Variants in CCDC12 observed in about 807,000 individuals in gnomAD.
CCDC12 encodes the protein coiled-coil domain containing 12, also known as coiled-coil domain-containing protein 12.
CCDC12 carries 28 observed loss-of-function variants against 25.7 expected under a neutral mutation model. The ratio of observed to expected loss-of-function variants is 1.09; its 90% CI spans 0.81 to 1.50. The LOEUF (loss-of-function observed/expected upper bound fraction) is 1.50, where lower values mean the gene tolerates loss of function less well. Among genes scored for constraint, CCDC12 ranks in the 40% most tolerant of loss-of-function variants. The pLI is 0.00. For synonymous variants in CCDC12, 75 were observed against 87.7 expected, an observed-to-expected ratio of 0.86 and a Z score of 0.81; for missense variants, 198 against 210.0, an observed-to-expected ratio of 0.94 and a Z score of 0.35.
At chr3:46,974,456 G>A (rs1485517084) in intron 1 of CCDC12, among the ~76,000 whole-genome samples, 4 of 152,060 alleles carry the variant, frequency 2.6e-5, no homozygotes, top group Non-Finnish European at 4.4e-5. Flanking sequence ...GTTGCATTCC[G>A]ACCTCAAACC....
intron 1 of CCDC12, chr3:46,976,380 A>T: frequency 7.2e-7 from 1 of 1,391,240 alleles, no homozygotes; most frequent in South Asian, 1.6e-5. Context: ...AGCAGGAGTC[A>T]GATGGACTGC....
intron 2 of CCDC12, among the ~76,000 whole-genome samples, chr3:46,931,611 T>C (rs2033218986): frequency 6.6e-6 from 1 of 151,498 alleles, no homozygotes; most frequent in South Asian, 2.1e-4. Flanking sequence ...CCTGGGCCCC[T>C]GGAGGGAGGC....
chr3:46,930,637 C>T (rs561461642), intron 2 of CCDC12, among the ~76,000 whole-genome samples: 19 of 152,354 alleles, frequency 1.2e-4, no homozygotes, highest in Admixed American at 1.2e-3. Flanking sequence ...CTGGCCCTCC[C>T]TCTGACTCAG....
chr3:46,980,625 G>C (rs192688598), upstream of CCDC12, among the ~76,000 whole-genome samples: 34 of 152,228 alleles, frequency 2.2e-4, 1 homozygote, highest in African/African-American at 7.0e-4. Context: ...GAAAAGGTTG[G>C]AGGGAGGCCC....
At chr3:46,935,494 C>T (rs77181577) in intron 2 of CCDC12, among the ~76,000 whole-genome samples, 1,804 of 151,516 alleles carry the variant, frequency 0.012, 30 homozygotes, top group African/African-American at 0.041. Flanking sequence ...GAAGAAGTGA[C>T]GGAGAGCTTT....
chr3:46,933,546 G>A (rs1027328087), intron 2 of CCDC12, among the ~76,000 whole-genome samples: 2 of 152,228 alleles, frequency 1.3e-5, no homozygotes, highest in African/African-American at 4.8e-5. Context: ...AGCTGCCATC[G>A]CATCTGCATC....
chr3:46,939,174 T>C (rs1369342394), intron 2 of CCDC12, among the ~76,000 whole-genome samples: 1 of 152,154 alleles, frequency 6.6e-6, no homozygotes, highest in African/African-American at 2.4e-5. Context: ...ACATATATCA[T>C]TTTGTGTTCC....
intron 2 of CCDC12, among the ~76,000 whole-genome samples, chr3:46,936,336 G>A (rs2033440003): frequency 6.6e-6 from 1 of 152,104 alleles, no homozygotes; most frequent in Non-Finnish European, 1.5e-5. Context: ...TGCAAAGCTG[G>A]CACATGCTTT....
chr3:46,980,142 A>G (rs1367191173), upstream of CCDC12, among the ~76,000 whole-genome samples: 1 of 152,158 alleles, frequency 6.6e-6, no homozygotes, highest in Non-Finnish European at 1.5e-5. Flanking sequence ...TGCACTTCAT[A>G]GCAACCCACC....
At chr3:46,976,861 C>T (rs1311798552), upstream of CCDC12, 3 of 1,449,718 alleles carry the variant, frequency 2.1e-6, no homozygotes, top group South Asian at 1.3e-5. Flanking sequence ...CCAATCAATG[C>T]GGGGTTATTA....
At chr3:46,967,380 T>C (rs2034672842) in intron 1 of CCDC12, among the ~76,000 whole-genome samples, 1 of 152,024 alleles carries the variant, frequency 6.6e-6, no homozygotes, top group South Asian at 2.1e-4. Flanking sequence ...CCCTTCTAAC[T>C]AGCCCAGCCT....
chr3:46,961,005 G>A (rs1315985316), intron 1 of CCDC12, among the ~76,000 whole-genome samples: 2 of 151,870 alleles, frequency 1.3e-5, no homozygotes, highest in East Asian at 1.9e-4. Context: ...CAGGGAATGG[G>A]AGGGTGTGGG....
chr3:46,961,721 A>C (rs934916275), intron 1 of CCDC12, among the ~76,000 whole-genome samples: 1 of 152,262 alleles, frequency 6.6e-6, no homozygotes, highest in African/African-American at 2.4e-5. Flanking sequence ...GGGACTTAGA[A>C]GCATGAAAAA....
At chr3:46,962,608 A>G (rs559514852) in intron 1 of CCDC12, among the ~76,000 whole-genome samples, 15 of 152,286 alleles carry the variant, frequency 9.8e-5, no homozygotes, top group Non-Finnish European at 1.8e-4. Context: ...AAAGACATGA[A>G]CAGGCACTTC....
intron 2 of CCDC12, among the ~76,000 whole-genome samples, chr3:46,934,611 C>A (rs1467081467): frequency 6.6e-6 from 1 of 152,202 alleles, no homozygotes; most frequent in Non-Finnish European, 1.5e-5. Context: ...TGTGCTCCTA[C>A]CCCACCCTAC....
At chr3:46,975,580 G>C (rs1406719793) in intron 1 of CCDC12, among the ~76,000 whole-genome samples, 1 of 148,104 alleles carries the variant, frequency 6.8e-6, no homozygotes, top group African/African-American at 2.5e-5. Context: ...GCCCAGGCTG[G>C]AGTGCAGTGG....
At chr3:46,923,740 T>C in intron 3 of CCDC12, 72 bp from the exon 4 acceptor site, 1 of 1,304,592 alleles carries the variant, frequency 7.7e-7, no homozygotes, top group Non-Finnish European at 1.0e-6. Flanking sequence ...CTGCCTACCG[T>C]GGCCCCCAGG....
intron 1 of CCDC12, among the ~76,000 whole-genome samples, chr3:46,975,533 T>C (rs1322858341): frequency 5.7e-5 from 7 of 121,752 alleles, no homozygotes; most frequent in Non-Finnish European, 9.4e-5. Flanking sequence ...TTTCTTTTTT[T>C]TTTTTTTTTT....
intron 2 of CCDC12, among the ~76,000 whole-genome samples, chr3:46,929,561 C>G (rs1025647953): frequency 6.6e-6 from 1 of 152,208 alleles, no homozygotes; most frequent in East Asian, 1.9e-4. Flanking sequence ...TCACTGGCAT[C>G]TGGAAGCCAC....
Sources: allele counts gnomAD v4.1 joint callset (sites outside exome capture counted in the v4.1 genomes callset), GRCh38; gene constraint gnomAD v4.1.1; transcripts MANE v1.5; gene names NCBI Gene and HGNC (gene_info 2026-07-23, HGNC 2026-07-21).